FRMPD3: variants seen among roughly 807,000 people sequenced by gnomAD.
FRMPD3 encodes the protein FERM and PDZ domain-containing protein 3.
FRMPD3 carries 42 observed loss-of-function variants against 97.9 expected under a neutral mutation model. That is an observed-to-expected ratio of 0.43 (90% CI 0.34 to 0.55). The LOEUF is 0.55. Ranked by LOEUF, FRMPD3 falls within the 20% of genes least tolerant of loss-of-function variation. FRMPD3 has a pLI of 0.03. For missense variants in FRMPD3, 1,303 were observed against 1,457.7 expected, an observed-to-expected ratio of 0.89 and a Z score of 1.73; for synonymous variants, 577 against 581.1, an observed-to-expected ratio of 0.99 and a Z score of 0.10.
At chrX:107,474,839 A>G (rs186292560) in intron 1 of FRMPD3, among the ~76,000 whole-genome samples, 59 of 111,888 alleles carry the variant, frequency 5.3e-4, no homozygotes, top group African/African-American at 1.5e-3. Flanking sequence ...CACGGGGGGG[A>G]AAAAGGATAA....
chrX:107,468,623 G>C (rs895166328), intron 1 of FRMPD3, among the ~76,000 whole-genome samples: 3 of 112,744 alleles, frequency 2.7e-5, no homozygotes, highest in African/African-American at 6.4e-5. Flanking sequence ...ATTAAGAATT[G>C]AATGGCCTGA....
At chrX:107,595,665 C>T (rs189837078) in intron 13 of FRMPD3, among the ~76,000 whole-genome samples, 2 of 110,992 alleles carry the variant, frequency 1.8e-5, no homozygotes, top group South Asian at 3.8e-4. Context: ...TGGCCGGGTG[C>T]GGTGGGTCAC....
At chrX:107,534,205 G>A (rs190335122) in intron 4 of FRMPD3, among the ~76,000 whole-genome samples, 1 of 112,022 alleles carries the variant, frequency 8.9e-6, no homozygotes, top group African/African-American at 3.2e-5. Context: ...CTCTCCTCAA[G>A]AGTTGGATTT....
rs763408979 is a variant in FRMPD3 at position 107,595,176 on chromosome X, G to A, written c.1442-2145G>A. Among the ~76,000 whole-genome samples, 9 of 109,398 alleles carry A rather than the reference G, an allele frequency of 8.2e-5. No homozygotes were observed. The South Asian group carries it at 2.8e-3, about 34-fold the overall frequency. The allele number at this position is 109,398 out of a possible 115,157, so 95.0% of individuals were successfully genotyped here. On this transcript the variant is annotated intron_variant, in intron 13 of 14. Coordinates refer to ENST00000683843, the MANE Select transcript of FRMPD3 (RefSeq NM_001388459.1). ...TACCAAAAATACAAAAATTAGCTGG[G>A]CGTGGTGGCAGGTGTCTGTAATCCC...
At chrX:107,495,153 C>T (rs1169727941) in intron 1 of FRMPD3, among the ~76,000 whole-genome samples, 1 of 111,901 alleles carries the variant, frequency 8.9e-6, no homozygotes, top group African/African-American at 3.3e-5. Flanking sequence ...TCCCCAGGCA[C>T]ATTCCATCTC....
At chrX:107,567,143 GATT>G (rs1192442641) in intron 12 of FRMPD3, among the ~76,000 whole-genome samples, 1 of 111,041 alleles carries the variant, frequency 9.0e-6, no homozygotes, top group Non-Finnish European at 1.9e-5. Context: ...TTTTTATCAG[GATT>G]ATTATTATTA....
intron 1 of FRMPD3, among the ~76,000 whole-genome samples, chrX:107,508,602 T>C (rs1922089717): frequency 9.0e-6 from 1 of 111,324 alleles, no homozygotes; most frequent in Non-Finnish European, 1.9e-5. Context: ...AGAGCTCAAG[T>C]TGGAACTACC....
rs1161916027 is a variant in FRMPD3, at chrX:107,604,524, A to C, written c.*1151A>C. The C allele has an allele frequency of 1.0e-5, 1 of 97,116 alleles. No individual in the cohort carries two copies. The highest frequency in any genetic ancestry group is 1.2e-4 in the Admixed American group (1 of 8,276). 8.0% of individuals were successfully genotyped at this position (97,116 alleles called of 1,213,427 possible). A position where few individuals can be genotyped will look rare whatever the true frequency, so the allele number is the denominator to read the frequency against. On this transcript the variant is annotated 3_prime_UTR_variant, in exon 15 of 15. Coordinates refer to ENST00000683843, the MANE Select transcript of FRMPD3 (RefSeq NM_001388459.1). ...CTGTTTAACATCCACCTTGACACAC[A>C]CCTCCTATTGCCACCACCGCTGCCA...
intron 13 of FRMPD3, among the ~76,000 whole-genome samples, chrX:107,582,410 T>C (rs1431656319): frequency 8.9e-6 from 1 of 111,977 alleles, no homozygotes; most frequent in East Asian, 2.8e-4. Flanking sequence ...GGCCTTGAAC[T>C]CCTGACCTCA....
At chrX:107,583,739 C>T (rs1223836628) in intron 13 of FRMPD3, among the ~76,000 whole-genome samples, 2 of 111,670 alleles carry the variant, frequency 1.8e-5, no homozygotes, top group Non-Finnish European at 3.8e-5. Context: ...TCCACAGCCT[C>T]ACTAGCATTT....
rs771489453 is a variant in FRMPD3, at chrX:107,604,049, G to A, written c.*676G>A. ...AAAGTGCCCTGCCCCTCACTGATGG[G>A]CAGGGCAGCTCAGTCCACTAGGGAG... On this transcript the variant is annotated 3_prime_UTR_variant, in exon 15 of 15. Coordinates refer to ENST00000683843, the MANE Select transcript of FRMPD3 (RefSeq NM_001388459.1). The A allele has an allele frequency of 9.1e-6, 1 of 109,858 alleles. No individual in the cohort carries two copies. The highest frequency in any genetic ancestry group is 4.0e-4 in the South Asian group (1 of 2,490). 9.1% of individuals were successfully genotyped at this position (109,858 alleles called of 1,213,427 possible). A position where few individuals can be genotyped will look rare whatever the true frequency, so the allele number is the denominator to read the frequency against.
intron 1 of FRMPD3, among the ~76,000 whole-genome samples, chrX:107,522,839 A>G (rs192052206): frequency 3.6e-5 from 4 of 110,014 alleles, no homozygotes; most frequent in African/African-American, 1.3e-4. Flanking sequence ...GACTTTGGTA[A>G]GAAGGGGAGA....
chrX:107,506,617 A>G (rs888935120), intron 1 of FRMPD3, among the ~76,000 whole-genome samples: 2 of 112,320 alleles, frequency 1.8e-5, no homozygotes, highest in Non-Finnish European at 3.8e-5. Context: ...CTGCATATCT[A>G]TGTCCTCCCA....
intron 6 of FRMPD3, among the ~76,000 whole-genome samples, chrX:107,551,183 G>T (rs1921846829): frequency 8.9e-6 from 1 of 111,811 alleles, no homozygotes; most frequent in Admixed American, 9.4e-5. Flanking sequence ...TAAGTATTCT[G>T]CAGGGAGTGG....
intron 4 of FRMPD3, among the ~76,000 whole-genome samples, chrX:107,537,403 A>G (rs1447031867): frequency 8.9e-6 from 1 of 111,894 alleles, no homozygotes; most frequent in Non-Finnish European, 1.9e-5. Context: ...CTGCCCTCAC[A>G]GAGCTTACAT....
In FRMPD3 at chrX:107,550,002, C is replaced by A. The variant is rs765142394; in HGVS notation, c.403-47C>A. On this transcript the variant is annotated intron_variant, in intron 5 of 14. Coordinates refer to ENST00000683843, the MANE Select transcript of FRMPD3 (RefSeq NM_001388459.1). ...ACACCCTTCCTCTGGCTTCCTACTTCCTTCTAAATGAGCCGGTCTCCTTGT... is the reference window on the plus strand; with the variant it reads ...ACACCCTTCCTCTGGCTTCCTACTTACTTCTAAATGAGCCGGTCTCCTTGT... The A allele has an allele frequency of 1.3e-5, 11 of 858,332 alleles. No homozygotes were observed. The South Asian group carries it at 2.3e-4, about 18-fold the overall frequency. 70.7% of individuals were successfully genotyped at this position (858,332 alleles called of 1,213,427 possible). A position where few individuals can be genotyped will look rare whatever the true frequency, so the allele number is the denominator to read the frequency against.
At chrX:107,453,114 G>A (rs1442804545) in intron 1 of FRMPD3, among the ~76,000 whole-genome samples, 3 of 111,729 alleles carry the variant, frequency 2.7e-5, no homozygotes, top group African/African-American at 9.8e-5. Flanking sequence ...TGGAGGGGCA[G>A]CACCAATGCA....
chrX:107,537,428 T>C (rs1450903931), intron 4 of FRMPD3, among the ~76,000 whole-genome samples: 1 of 111,942 alleles, frequency 8.9e-6, no homozygotes, highest in African/African-American at 3.2e-5. Flanking sequence ...GTTCTCAGTC[T>C]TGTGCTCTCT....
intron 1 of FRMPD3, among the ~76,000 whole-genome samples, chrX:107,501,643 A>G (rs929660021): frequency 1.9e-5 from 2 of 103,173 alleles, no homozygotes; most frequent in African/African-American, 3.5e-5. Context: ...CCTGACCCTC[A>G]GAGGTTTTAT....
Sources: gnomAD v4.1 joint callset for allele counts (sites outside exome capture counted in the v4.1 genomes callset) on GRCh38, gnomAD v4.1.1 for gene constraint, MANE v1.5 for transcripts, NCBI Gene and HGNC (gene_info 2026-07-23, HGNC 2026-07-21) for gene names.